ZNF713: variants seen among roughly 807,000 people sequenced by gnomAD.
ZNF713 encodes zinc finger protein 713.
In ZNF713, 21 loss-of-function variants were observed where a neutral mutation model predicts 28.7. That is an observed-to-expected ratio of 0.73 (90% CI 0.52 to 1.05). ZNF713 has a LOEUF of 1.05. ZNF713 is among the 50% of genes least tolerant of loss of function. ZNF713 has a pLI of 0.00. For synonymous variants in ZNF713, 167 were observed against 178.0 expected (o/e 0.94, Z 0.49); for missense variants, 458 against 532.4 (o/e 0.86, Z 1.37).
At chr7:55,891,888 A>C (rs1785386436) in intron 1 of ZNF713, among the ~76,000 whole-genome samples, 1 of 152,214 alleles carries the variant, frequency 6.6e-6, no homozygotes, top group East Asian at 1.9e-4. Flanking sequence ...CCACTTATTT[A>C]ATAGAAAAAA....
intron 6 of ZNF713, among the ~76,000 whole-genome samples, chr7:55,927,819 C>T (rs1354432686): frequency 1.4e-5 from 2 of 139,012 alleles, no homozygotes; most frequent in African/African-American, 2.8e-5. Flanking sequence ...ATCGCTTGAA[C>T]CCCGGAGACG....
intron 1 of ZNF713, among the ~76,000 whole-genome samples, chr7:55,887,960 A>T (rs1209866473): frequency 6.7e-6 from 1 of 148,758 alleles, no homozygotes; most frequent in African/African-American, 2.5e-5. Context: ...CATTCCTGTC[A>T]CCCGCCCCGT....
At chr7:55,898,512 T>C (rs1785514887) in intron 1 of ZNF713, among the ~76,000 whole-genome samples, 1 of 152,204 alleles carries the variant, frequency 6.6e-6, no homozygotes. Flanking sequence ...AAGGACCTTC[T>C]TCATATGGCA....
intron 4 of ZNF713, among the ~76,000 whole-genome samples, chr7:55,921,991 T>A (rs990737122): frequency 1.3e-5 from 2 of 152,126 alleles, no homozygotes; most frequent in African/African-American, 4.8e-5. Flanking sequence ...AGTGGTGCAG[T>A]CTTGGCTCGT....
chr7:55,932,524 CAAAA>C (rs34793484), intron 6 of ZNF713, among the ~76,000 whole-genome samples: 3 of 120,668 alleles, frequency 2.5e-5, no homozygotes, highest in African/African-American at 3.1e-5. Flanking sequence ...GACCCTGTCT[CAAAA>C]AAAAAAAAAA....
chr7:55,934,564 C>T (rs1332928870), intron 6 of ZNF713, among the ~76,000 whole-genome samples: 3 of 152,102 alleles, frequency 2.0e-5, no homozygotes, highest in African/African-American at 7.2e-5. Context: ...GGTACAGTGG[C>T]ACAATCATGG....
rs763729766 is a variant in ZNF713 at position 55,939,250 on chromosome 7, C to T, written c.576C>T (p.Asn192=). Residue 192 remains asparagine, a synonymous_variant, in exon 7 of 7, where the codon AAC becomes AAT. Transcript: ENST00000429591. ...CNKFAENCNL[N]SNLMQQRIPS... is the part of the protein sequence containing the mutation. ...AATTTGCAGAAAACTGTAATCTGAA[C>T]TCAAACCTTATGCAGCAGAGAATTC... 80 of 1,614,012 alleles carry T rather than the reference C, an allele frequency of 5.0e-5. No individual in the cohort carries two copies. In the South Asian group the frequency reaches 8.5e-4, roughly 17 times the overall value.
intron 4 of ZNF713, among the ~76,000 whole-genome samples, chr7:55,920,822 T>C (rs1402516316): frequency 2.0e-5 from 3 of 152,262 alleles, no homozygotes; most frequent in African/African-American, 7.2e-5. Context: ...GGTTTCACCA[T>C]GTTGGCCAGG....
chr7:55,921,445 G>GA (rs1785991895), intron 4 of ZNF713, among the ~76,000 whole-genome samples: 1 of 152,152 alleles, frequency 6.6e-6, no homozygotes, highest in South Asian at 2.1e-4. Context: ...AAGCCTCCTG[G>GA]AAAAAAATCA....
At chr7:55,923,861 T>TAGCC (rs946667674) in intron 6 of ZNF713, 162 bp downstream of exon 6, 10 of 522,364 alleles carry the variant, frequency 1.9e-5, no homozygotes, top group Non-Finnish European at 3.4e-5. Context: ...TTGAAATGGC[T>TAGCC]GTCTTATTTT....
intron 1 of ZNF713, among the ~76,000 whole-genome samples, chr7:55,896,752 A>G (rs1785480891): frequency 6.6e-6 from 1 of 152,062 alleles, no homozygotes; most frequent in South Asian, 2.1e-4. Context: ...AAGCATACCT[A>G]GCACCCAAAT....
chr7:55,930,115 C>A (rs1476239344), intron 6 of ZNF713, among the ~76,000 whole-genome samples: 1 of 151,844 alleles, frequency 6.6e-6, no homozygotes, highest in East Asian at 1.9e-4. Context: ...GGCTGGAGTG[C>A]AGTGACACGA....
intron 1 of ZNF713, among the ~76,000 whole-genome samples, chr7:55,904,639 T>A (rs1403787982): frequency 6.6e-6 from 1 of 152,040 alleles, no homozygotes; most frequent in Non-Finnish European, 1.5e-5. Flanking sequence ...ATTGACAATT[T>A]TTTGAAGAGT....
intron 3 of ZNF713, among the ~76,000 whole-genome samples, chr7:55,912,269 C>T (rs930620335): frequency 1.3e-5 from 2 of 152,188 alleles, no homozygotes; most frequent in African/African-American, 2.4e-5. Flanking sequence ...CTTAGAGTCA[C>T]TTGGAGACTT....
intron 2 of ZNF713, among the ~76,000 whole-genome samples, chr7:55,908,331 C>T (rs1385985906): frequency 3.9e-5 from 6 of 151,946 alleles, no homozygotes; most frequent in African/African-American, 9.7e-5. Context: ...TTAGTAGAGA[C>T]GGGGTTTCAC....
intron 1 of ZNF713, among the ~76,000 whole-genome samples, chr7:55,903,473 C>T (rs1424054938): frequency 6.6e-6 from 1 of 151,872 alleles, no homozygotes; most frequent in Admixed American, 6.6e-5. Flanking sequence ...AGTTCAAGAC[C>T]AGACTGACCA....
rs1309512927 is a variant in ZNF713, at chr7:55,938,278, A to ATACC, written c.308-702_308-699dup. Reference sequence around the variant, plus strand: ...GTCTTCATCTAGAAGCAGAGGAAGAATACCTCCACTAAGTAAAGTTTAAAG... The same window carrying ATACC: ...GTCTTCATCTAGAAGCAGAGGAAGAATACCTACCTCCACTAAGTAAAGTTTAAAG... On this transcript the variant is annotated intron_variant, in intron 6 of 6. Transcript: ENST00000429591. Among the ~76,000 whole-genome samples the ATACC allele has an allele frequency of 2.0e-5, 3 of 151,462 alleles. No individual in the cohort carries two copies. The East Asian group carries it at 5.9e-4, about 30-fold the overall frequency.
intron 1 of ZNF713, among the ~76,000 whole-genome samples, chr7:55,895,855 A>G (rs1339456657): frequency 1.3e-5 from 2 of 152,128 alleles, no homozygotes; most frequent in East Asian, 3.8e-4. Flanking sequence ...TATTATTCCT[A>G]GTTTTATAGA....
At chr7:55,890,626 A>G (rs1218619244) in intron 1 of ZNF713, among the ~76,000 whole-genome samples, 1 of 152,182 alleles carries the variant, frequency 6.6e-6, no homozygotes, top group East Asian at 1.9e-4. Context: ...AACTGCCTCA[A>G]TTAAATCATT....
Sources: gnomAD v4.1 joint callset for allele counts (sites outside exome capture counted in the v4.1 genomes callset) on GRCh38, gnomAD v4.1.1 for gene constraint, MANE v1.5 for transcripts, NCBI Gene and HGNC (gene_info 2026-07-23, HGNC 2026-07-21) for gene names.